The following MORC1 variants were observed in gnomAD, a reference collection of about 807,000 sequenced individuals.
The protein encoded by MORC1 is MORC family CW-type zinc finger protein 1.
Under a neutral mutation model 134.9 loss-of-function variants are expected in MORC1, and 59 were observed. The observed-to-expected ratio is 0.44, with a 90% CI of 0.35 to 0.54. MORC1 has a LOEUF of 0.54. Among genes scored for constraint, MORC1 ranks in the 20% least tolerant of loss-of-function variants. The pLI, the probability that MORC1 is intolerant of heterozygous loss-of-function variation, is 0.00. For missense variants in MORC1, 947 were observed against 1,134.5 expected, an observed-to-expected ratio of 0.83 and a Z score of 2.37; for synonymous variants, 395 against 391.7, an observed-to-expected ratio of 1.01 and a Z score of -0.10.
At chr3:108,990,401 T>C (rs1474675225) in intron 21 of MORC1, among the ~76,000 whole-genome samples, 1 of 152,120 alleles carries the variant, frequency 6.6e-6, no homozygotes, top group Non-Finnish European at 1.5e-5. Context: ...TTTACAAATA[T>C]GCCAGGCACA....
intron 4 of MORC1, chr3:109,101,400 G>A (rs1003969651): frequency 2.6e-5 from 4 of 152,220 alleles, no homozygotes; most frequent in African/African-American, 9.6e-5. Context: ...TGGAATTCTA[G>A]ACAGTAATCC....
At chr3:108,981,765 T>C (rs1464876056) in intron 23 of MORC1, among the ~76,000 whole-genome samples, 1 of 152,242 alleles carries the variant, frequency 6.6e-6, no homozygotes, top group African/African-American at 2.4e-5. Context: ...TCATTAGTAA[T>C]GCATTTGATA....
chr3:109,030,176 C>T (rs918301845), intron 16 of MORC1, among the ~76,000 whole-genome samples: 1 of 152,040 alleles, frequency 6.6e-6, no homozygotes, highest in African/African-American at 2.4e-5. Context: ...CACTTTTCAC[C>T]CCATTACTCC....
chr3:108,994,629 G>A (rs904549501), intron 21 of MORC1, among the ~76,000 whole-genome samples: 2 of 151,908 alleles, frequency 1.3e-5, no homozygotes, highest in Non-Finnish European at 2.9e-5. Flanking sequence ...CTACAATGTC[G>A]GTTTGGAGAG....
chr3:109,007,941 A>ATG (rs113629397), intron 17 of MORC1, among the ~76,000 whole-genome samples: 4,647 of 149,590 alleles, frequency 0.031, 103 homozygotes, highest in African/African-American at 0.061. Flanking sequence ...GCACATATAT[A>ATG]TGTGTGTGTG....
intron 8 of MORC1, among the ~76,000 whole-genome samples, chr3:109,086,431 T>C (rs756644611): frequency 1.3e-5 from 2 of 151,942 alleles, no homozygotes; most frequent in African/African-American, 2.4e-5. Context: ...TGTGTATAAT[T>C]ATAAAGGGTA....
intron 14 of MORC1, among the ~76,000 whole-genome samples, chr3:109,043,181 CAAAATGTG>C (rs1559914998): frequency 1.1e-3 from 26 of 23,982 alleles, no homozygotes; most frequent in Non-Finnish European, 1.3e-3. Flanking sequence ...CAAAATGTGG[CAAAATGTG>C]GGGGGGGGGG....
At chr3:108,973,405 G>C (rs2593949) in intron 24 of MORC1, among the ~76,000 whole-genome samples, 60,503 of 151,524 alleles carry the variant, frequency 0.4, 12,517 homozygotes, top group Middle Eastern at 0.55. Flanking sequence ...TTTCAGTAGT[G>C]ATAAAGGAAG....
Position 109,054,631 on chromosome 3 carries a change from G to T in MORC1, c.1330+97C>A. On this transcript the variant is annotated intron_variant, in intron 14 of 27. Transcript: ENST00000232603. ...GAGCTCCCTTTCAGAGTTTTCAGTT[G>T]CTGGTAATCTGAATTCAGATAATCA... The T allele has an allele frequency of 4.4e-6, 5 of 1,129,462 alleles. No individual in the cohort carries two copies. In the South Asian group the frequency reaches 7.8e-5, roughly 18 times the overall value. The allele number at this position is 1,129,462 out of a possible 1,614,324, so 70.0% of individuals were successfully genotyped here.
chr3:109,104,723 T>G (rs966279691), intron 3 of MORC1, among the ~76,000 whole-genome samples: 1 of 152,182 alleles, frequency 6.6e-6, no homozygotes, highest in African/African-American at 2.4e-5. Context: ...AGTGCCCAGT[T>G]TGTAAACTGG....
intron 14 of MORC1, among the ~76,000 whole-genome samples, chr3:109,045,883 C>T (rs1949683907): frequency 1.3e-5 from 2 of 152,114 alleles, no homozygotes; most frequent in Non-Finnish European, 2.9e-5. Context: ...TGTCAGCTTC[C>T]TCATTTGACA....
chr3:109,043,393 G>C lies in MORC1; in HGVS notation c.1331-7925C>G, dbSNP rs535691951. Among the ~76,000 whole-genome samples the C allele has an allele frequency of 1.4e-3, 215 of 152,254 alleles. 3 individuals are homozygous for C. The highest frequency in any genetic ancestry group is 0.014 in the Admixed American group (215 of 15,298). On this transcript the variant is annotated intron_variant, in intron 14 of 27. Coordinates refer to ENST00000232603, the MANE Select transcript of MORC1 (RefSeq NM_014429.4). ...AGAGACAGAAAGTAGAATGGTGGTTGTCAGAGGATGGAAAAGCGGGGAATT... is the reference window on the plus strand; with the variant it reads ...AGAGACAGAAAGTAGAATGGTGGTTCTCAGAGGATGGAAAAGCGGGGAATT...
At chr3:109,085,754 C>G (rs1219232277) in intron 8 of MORC1, among the ~76,000 whole-genome samples, 1 of 152,024 alleles carries the variant, frequency 6.6e-6, no homozygotes, top group Non-Finnish European at 1.5e-5. Flanking sequence ...AATTCCATTA[C>G]TGGAAAGAAA....
chr3:109,003,250 A>C (rs1369049530), intron 20 of MORC1, among the ~76,000 whole-genome samples: 1 of 140,690 alleles, frequency 7.1e-6, no homozygotes, highest in East Asian at 1.9e-4. Context: ...AATGGCACAC[A>C]GTAAAATTAT....
intron 8 of MORC1, among the ~76,000 whole-genome samples, chr3:109,076,885 G>A (rs574099111): frequency 6.6e-6 from 1 of 151,464 alleles, no homozygotes; most frequent in South Asian, 2.1e-4. Flanking sequence ...TAGATGACAG[G>A]TTGATGGGTG....
intron 17 of MORC1, 140 bp from the exon 18 acceptor site, chr3:109,007,231 AT>A: frequency 1.6e-6 from 1 of 609,264 alleles, no homozygotes; most frequent in Non-Finnish European, 2.8e-6. Flanking sequence ...CAAGGAGTGC[AT>A]TTAAGTTTAG....
chr3:109,082,437 C>G lies in MORC1; in HGVS notation c.689+10999G>C, dbSNP rs113057296. Among the ~76,000 whole-genome samples, 934 of 152,134 alleles carry G rather than the reference C, an allele frequency of 6.1e-3. 5 individuals carry two copies. The highest frequency in any genetic ancestry group is 0.012 in the African/African-American group (489 of 41,520). The stretch of plus-strand genomic sequence containing the variant: ...AGAAGCAGGACCTGCCCAAACAAAG[C>G]AAGGAATCAGTGACTGACCCTAGTG... On this transcript the variant is annotated intron_variant, in intron 8 of 27. Transcript: ENST00000232603.
chr3:109,022,920 A>G (rs1347960850), intron 17 of MORC1, among the ~76,000 whole-genome samples: 3 of 152,244 alleles, frequency 2.0e-5, no homozygotes, highest in African/African-American at 7.2e-5. Flanking sequence ...AAGTAACTAT[A>G]ATATTAGACA....
chr3:108,961,726 C>T (rs960347854), intron 27 of MORC1, among the ~76,000 whole-genome samples: 3 of 152,210 alleles, frequency 2.0e-5, no homozygotes, highest in African/African-American at 7.2e-5. Flanking sequence ...AACTTGCCTA[C>T]CAAACTTTGT....
Sources: allele counts gnomAD v4.1 joint callset (sites outside exome capture counted in the v4.1 genomes callset), GRCh38; gene constraint gnomAD v4.1.1; transcripts MANE v1.5; gene names NCBI Gene and HGNC (gene_info 2026-07-23, HGNC 2026-07-21).